C1GALT1: variants seen among roughly 807,000 people sequenced by gnomAD.
The protein encoded by C1GALT1 is core 1 synthase, glycoprotein-N-acetylgalactosamine 3-beta-galactosyltransferase 1, also known as glycoprotein-N-acetylgalactosamine 3-beta-galactosyltransferase 1.
In C1GALT1, 11 loss-of-function variants were observed where a neutral mutation model predicts 31.0. That is an observed-to-expected ratio of 0.36 (90% CI 0.22 to 0.59). The LOEUF (loss-of-function observed/expected upper bound fraction) is 0.59. Among genes scored for constraint, C1GALT1 ranks in the 20% least tolerant of loss-of-function variants. The pLI is 0.79. For synonymous variants in C1GALT1, 175 were observed against 143.6 expected (o/e 1.22, Z -1.56); for missense variants, 424 against 425.2 (o/e 1.00, Z 0.03).
chr7:7,196,732 C>G (rs577483524), intron 1 of C1GALT1, among the ~76,000 whole-genome samples: 17 of 152,292 alleles, frequency 1.1e-4, no homozygotes, highest in African/African-American at 3.8e-4. Flanking sequence ...CCTGTTGTTT[C>G]TTGACTTTTT....
chr7:7,180,910 C>CCAA (rs1780569126), upstream of C1GALT1, among the ~76,000 whole-genome samples: 2 of 127,784 alleles, frequency 1.6e-5, no homozygotes, highest in Admixed American at 1.6e-4. Context: ...CATATCTCTT[C>CCAA]AAAAAAAAAA....
intron 2 of C1GALT1, among the ~76,000 whole-genome samples, chr7:7,164,530 G>A (rs189479139): frequency 1.3e-5 from 2 of 152,254 alleles, no homozygotes; most frequent in East Asian, 3.9e-4. Context: ...CATGTAGAAA[G>A]TTTATTAGGG....
chr7:7,218,991 A>G (rs13222351), intron 1 of C1GALT1, among the ~76,000 whole-genome samples: 22,381 of 151,060 alleles, frequency 0.15, 2,023 homozygotes, highest in Middle Eastern at 0.27. Flanking sequence ...CCGCCACCAC[A>G]CCCGGCTAAT....
Position 7,184,783 on chromosome 7 carries a change from ATCTTT to A in C1GALT1, c.-18+1970_-18+1974del, listed in dbSNP as rs371906285. ...AAAGTTTAAGCTTCCCAATACAACC[ATCTTT>A]TCTTTTAGAAGATTTCTTAAGATTT... On this transcript the variant is annotated intron_variant, in intron 1 of 3. Coordinates refer to ENST00000436587, the MANE Select transcript of C1GALT1 (RefSeq NM_020156.5). 1.0e-3 allele frequency among the ~76,000 whole-genome samples: 157 copies of A among 152,370 alleles called. 1 individual carries two copies. Among genetic ancestry groups the A allele is most frequent in the African/African-American group, 3.6e-3 (149 of 41,592 alleles).
At chr7:7,217,935 G>T (rs746776032) in intron 1 of C1GALT1, among the ~76,000 whole-genome samples, 5 of 152,166 alleles carry the variant, frequency 3.3e-5, no homozygotes, top group Non-Finnish European at 5.9e-5. Flanking sequence ...AAGCTAGATG[G>T]CTCTTGCAAG....
chr7:7,205,965 C>G (rs181863333), intron 1 of C1GALT1, among the ~76,000 whole-genome samples: 165 of 152,118 alleles, frequency 1.1e-3, no homozygotes, highest in Non-Finnish European at 2.0e-3. Flanking sequence ...GCTATTTTGT[C>G]CTTATTTCCT....
At chr7:7,236,967 A>C (rs1042956647) in intron 2 of C1GALT1, among the ~76,000 whole-genome samples, 2 of 152,196 alleles carry the variant, frequency 1.3e-5, no homozygotes, top group Non-Finnish European at 2.9e-5. Flanking sequence ...AATTTTAAGC[A>C]TATGCTTCGT....
At chr7:7,239,599 G>A (rs1484002749) in intron 3 of C1GALT1, among the ~76,000 whole-genome samples, 2 of 152,136 alleles carry the variant, frequency 1.3e-5, no homozygotes, top group Non-Finnish European at 2.9e-5. Flanking sequence ...TTTAGTTGTT[G>A]TAATTACAAC....
chr7:7,197,459 TTGAAGTCAGGTAGCA>T (rs1781343527), intron 1 of C1GALT1, among the ~76,000 whole-genome samples: 1 of 152,208 alleles, frequency 6.6e-6, no homozygotes, highest in Admixed American at 6.5e-5. Flanking sequence ...GTAGTATAGT[TTGAAGTCAGGTAGCA>T]TGATGCCTCC....
upstream of C1GALT1, chr7:7,178,195 C>A: frequency 4.5e-6 from 1 of 223,546 alleles, no homozygotes. Context: ...TAGATTACAT[C>A]AAAGCAGAAT....
intron 1 of C1GALT1, among the ~76,000 whole-genome samples, chr7:7,192,420 C>A (rs1384920326): frequency 6.6e-6 from 1 of 152,094 alleles, no homozygotes; most frequent in African/African-American, 2.4e-5. Context: ...AGTTACTTTA[C>A]TTAGAATAAT....
intron 2 of C1GALT1, among the ~76,000 whole-genome samples, chr7:7,166,800 G>A (rs1297923289): frequency 1.3e-5 from 2 of 152,216 alleles, no homozygotes; most frequent in African/African-American, 4.8e-5. Context: ...AGTAAGGCAA[G>A]TGCTTAGCAC....
intron 1 of C1GALT1, among the ~76,000 whole-genome samples, chr7:7,232,606 C>T (rs1178376087): frequency 6.6e-6 from 1 of 151,762 alleles, no homozygotes; most frequent in African/African-American, 2.4e-5. Context: ...TCTTTTGCCT[C>T]AGTCTCCCAG....
chr7:7,217,824 C>T (rs532376034), intron 1 of C1GALT1, among the ~76,000 whole-genome samples: 13 of 152,284 alleles, frequency 8.5e-5, no homozygotes, highest in African/African-American at 2.6e-4. Flanking sequence ...GCATGAGCCA[C>T]TATGCCTGGC....
chr7:7,201,921 T>C (rs937498193), intron 1 of C1GALT1, among the ~76,000 whole-genome samples: 1 of 152,236 alleles, frequency 6.6e-6, no homozygotes, highest in Admixed American at 6.5e-5. Context: ...TTCCTTCTCC[T>C]TGGGGTCTTT....
intron 1 of C1GALT1, among the ~76,000 whole-genome samples, chr7:7,232,485 T>G (rs747992819): frequency 3.9e-3 from 202 of 52,160 alleles, no homozygotes; most frequent in African/African-American, 0.022. Flanking sequence ...AGGGCGTGGG[T>G]TTTTTTTTTT....
intron 1 of C1GALT1, among the ~76,000 whole-genome samples, chr7:7,186,243 G>T (rs901752227): frequency 1.3e-5 from 2 of 152,180 alleles, no homozygotes; most frequent in African/African-American, 4.8e-5. Context: ...ACCATTTAAA[G>T]ACTCCAGCTC....
chr7:7,162,504 C>A (rs1283123551), intron 2 of C1GALT1, among the ~76,000 whole-genome samples: 1 of 151,784 alleles, frequency 6.6e-6, no homozygotes, highest in East Asian at 1.9e-4. Flanking sequence ...TTTTCTTAAT[C>A]CAGTCTATCA....
intron 1 of C1GALT1, among the ~76,000 whole-genome samples, chr7:7,212,059 A>G (rs969609304): frequency 2.0e-5 from 3 of 152,200 alleles, no homozygotes; most frequent in Non-Finnish European, 2.9e-5. Flanking sequence ...GGTTATTTCT[A>G]CATAGGTCTT....
Sources: gnomAD v4.1 joint callset for allele counts (sites outside exome capture counted in the v4.1 genomes callset) on GRCh38, gnomAD v4.1.1 for gene constraint, MANE v1.5 for transcripts, NCBI Gene and HGNC (gene_info 2026-07-23, HGNC 2026-07-21) for gene names.